Variants in ATXN8OS observed in about 807,000 individuals in gnomAD.
ATXN8OS encodes the protein ATXN8 opposite strand lncRNA, also known as ATXN8 opposite strand (non-protein coding).
At chr13:70,123,315 A>G (rs1378004512) in intron 2 of ATXN8OS, among the ~76,000 whole-genome samples, 1 of 152,158 alleles carries the variant, frequency 6.6e-6, no homozygotes, top group Non-Finnish European at 1.5e-5. Context: ...AGATTATTAC[A>G]TTGATTAACT....
intron 3 of ATXN8OS, among the ~76,000 whole-genome samples, chr13:70,146,554 C>G (rs1219384607): frequency 6.6e-6 from 1 of 152,080 alleles, no homozygotes; most frequent in Admixed American, 6.6e-5. Context: ...GAAAATGTGG[C>G]ACATATACAC....
intron 2 of ATXN8OS, among the ~76,000 whole-genome samples, chr13:70,122,299 G>A (rs1434719006): frequency 6.6e-6 from 1 of 151,776 alleles, no homozygotes; most frequent in Non-Finnish European, 1.5e-5. Flanking sequence ...TGTTCATCTA[G>A]TATTACATCT....
chr13:70,170,698 T>G (rs73216623), exon 5 of ATXN8OS, among the ~76,000 whole-genome samples: 1 of 152,288 alleles, frequency 6.6e-6, no homozygotes, highest in Non-Finnish European at 1.5e-5. Context: ...ACTTTTAAAT[T>G]TATTTACATA....
intron 3 of ATXN8OS, among the ~76,000 whole-genome samples, chr13:70,144,927 T>A (rs1277977510): frequency 1.3e-5 from 2 of 152,164 alleles, no homozygotes; most frequent in Non-Finnish European, 2.9e-5. Flanking sequence ...TTTCTAAGTG[T>A]GTAATCCAAT....
At chr13:70,139,911 AG>A (rs1254657159) in intron 3 of ATXN8OS, among the ~76,000 whole-genome samples, 3 of 152,156 alleles carry the variant, frequency 2.0e-5, no homozygotes, top group Non-Finnish European at 4.4e-5. Flanking sequence ...GATATTTTCA[AG>A]GTTTATGATG....
At chr13:70,167,238 T>C (rs1008228078) in intron 4 of ATXN8OS, among the ~76,000 whole-genome samples, 13 of 152,140 alleles carry the variant, frequency 8.5e-5, no homozygotes, top group African/African-American at 3.1e-4. Flanking sequence ...GTGTCACTAT[T>C]CACAATAGCA....
chr13:70,134,488 T>C (rs779142736), intron 3 of ATXN8OS, among the ~76,000 whole-genome samples: 9 of 152,196 alleles, frequency 5.9e-5, no homozygotes, highest in Non-Finnish European at 1.2e-4. Context: ...GGATGCTCGT[T>C]GAGCAGAACT....
chr13:70,166,967 T>C (rs1301431256), intron 4 of ATXN8OS, among the ~76,000 whole-genome samples: 1 of 151,612 alleles, frequency 6.6e-6, no homozygotes, highest in Non-Finnish European at 1.5e-5. Context: ...CACAATGAGA[T>C]ACCATCTCAC....
intron 3 of ATXN8OS, among the ~76,000 whole-genome samples, chr13:70,132,278 C>T (rs1024239796): frequency 6.7e-6 from 1 of 148,824 alleles, no homozygotes; most frequent in African/African-American, 2.5e-5. Flanking sequence ...CCATGGAATA[C>T]TACACAGCCA....
At chr13:70,169,687 A>G (rs1460205977) in intron 4 of ATXN8OS, among the ~76,000 whole-genome samples, 2 of 151,836 alleles carry the variant, frequency 1.3e-5, no homozygotes, top group Non-Finnish European at 2.9e-5. Context: ...TCCCTCTCCT[A>G]ATAAAGATAT....
At chr13:70,155,806 AATG>A (rs1888928562) in intron 4 of ATXN8OS, among the ~76,000 whole-genome samples, 1 of 151,870 alleles carries the variant, frequency 6.6e-6, no homozygotes, top group South Asian at 2.1e-4. Context: ...ACAAAAAAAA[AATG>A]AAAAGAAAAA....
chr13:70,160,831 A>T lies in ATXN8OS; in HGVS notation n.574-8922A>T, dbSNP rs573935548. On this transcript the variant is annotated intron_variant and non_coding_transcript_variant, in intron 4 of 4. Coordinates refer to ENST00000678624, the Ensembl canonical transcript of ATXN8OS. ...TATAAATATATATAAATATATATTT[A>T]TATATATAAATATATTTATATTTTA... Among the ~76,000 whole-genome samples the T allele has an allele frequency of 1.4e-5, 2 of 140,918 alleles. 1 individual carries two copies. The highest frequency in any genetic ancestry group is 5.1e-5 in the African/African-American group (2 of 38,958). 92.4% of individuals were successfully genotyped at this position (140,918 alleles called of 152,430 possible).
chr13:70,138,889 A>G (rs1196621753), intron 3 of ATXN8OS, among the ~76,000 whole-genome samples: 2 of 152,118 alleles, frequency 1.3e-5, no homozygotes, highest in Non-Finnish European at 2.9e-5. Flanking sequence ...GGTTGATTCA[A>G]TGAAAGACTT....
intron 4 of ATXN8OS, among the ~76,000 whole-genome samples, chr13:70,153,014 C>CTGTGTGTGTGTGTGTGTGTGTGTGTGTG (rs66574752): frequency 7.1e-6 from 1 of 141,708 alleles, no homozygotes; most frequent in Non-Finnish European, 1.5e-5. Flanking sequence ...TAAGAAAAAA[C>CTGTGTGTGTGTGTGTGTGTGTGTGTGTG]TGTGTGTGTG....
chr13:70,150,001 A>G lies in ATXN8OS; in HGVS notation n.573+2573A>G, dbSNP rs115934057. Among the ~76,000 whole-genome samples, 361 of 152,248 alleles carry G rather than the reference A, an allele frequency of 2.4e-3. 2 individuals are homozygous for G. The highest frequency in any genetic ancestry group is 8.2e-3 in the African/African-American group (341 of 41,566). On this transcript the variant is annotated intron_variant and non_coding_transcript_variant, in intron 4 of 4. Coordinates refer to ENST00000678624, the Ensembl canonical transcript of ATXN8OS. ...ATTCCTGAACTAGACAGACTTTCTT[A>G]CCTTCTCACAGACAACCTTCTATGG...
chr13:70,164,303 T>G (rs1889052705), intron 4 of ATXN8OS, among the ~76,000 whole-genome samples: 1 of 151,656 alleles, frequency 6.6e-6, no homozygotes, highest in African/African-American at 2.4e-5. Context: ...CTTTCACTCT[T>G]TTTATCCCTC....
chr13:70,111,910 T>A (rs543669921), intron 1 of ATXN8OS, among the ~76,000 whole-genome samples: 1 of 152,328 alleles, frequency 6.6e-6, no homozygotes, highest in Non-Finnish European at 1.5e-5. Flanking sequence ...TTTAATAAGA[T>A]GTATTTATAT....
At chr13:70,141,677 C>T (rs766874225) in intron 3 of ATXN8OS, among the ~76,000 whole-genome samples, 2 of 151,620 alleles carry the variant, frequency 1.3e-5, no homozygotes, top group Non-Finnish European at 2.9e-5. Context: ...TTACTTTTTG[C>T]CCCACTCAAA....
chr13:70,153,436 A>G (rs1278965487), intron 4 of ATXN8OS, among the ~76,000 whole-genome samples: 2 of 152,020 alleles, frequency 1.3e-5, no homozygotes, highest in Admixed American at 1.3e-4. Context: ...TTAGCCGGGC[A>G]TGGCAGTGTG....
Sources: allele counts gnomAD v4.1 joint callset (sites outside exome capture counted in the v4.1 genomes callset), GRCh38; gene constraint gnomAD v4.1.1; transcripts MANE v1.5; gene names NCBI Gene and HGNC (gene_info 2026-07-23, HGNC 2026-07-21).